NCOA2: variants seen among roughly 807,000 people sequenced by gnomAD.
NCOA2 encodes the protein class E basic helix-loop-helix protein 75.
NCOA2 carries 21 observed loss-of-function variants against 145.1 expected under a neutral mutation model. The ratio of observed to expected loss-of-function variants is 0.14; its 90% CI spans 0.10 to 0.21. The LOEUF is 0.21. Ranked by LOEUF, NCOA2 falls within the 10% of genes least tolerant of loss-of-function variation. The pLI, the probability that NCOA2 is intolerant of heterozygous loss-of-function variation, is 1.00. For missense variants in NCOA2, 1,472 were observed against 1,837.6 expected (o/e 0.80, Z 3.64); for synonymous variants, 619 against 637.5 (o/e 0.97, Z 0.44).
chr8:70,343,117 A>G (rs1808299260), intron 1 of NCOA2, among the ~76,000 whole-genome samples: 1 of 152,236 alleles, frequency 6.6e-6, no homozygotes, highest in Admixed American at 6.5e-5. Flanking sequence ...AAGTGCCTAA[A>G]GTTGTAACTC....
intron 1 of NCOA2, among the ~76,000 whole-genome samples, chr8:70,391,837 A>G (rs1383902475): frequency 6.6e-6 from 1 of 152,210 alleles, no homozygotes; most frequent in Non-Finnish European, 1.5e-5. Flanking sequence ...ACAGCTTGAA[A>G]AACTGAAATA....
the NCOA2 span, among the ~76,000 whole-genome samples, chr8:70,416,486 C>A: frequency 6.6e-6 from 1 of 152,148 alleles, no homozygotes; most frequent in African/African-American, 2.4e-5. Context: ...TTGTGTGTAA[C>A]CAAAAATACA....
chr8:70,442,796 A>T, the NCOA2 span, among the ~76,000 whole-genome samples: 17 of 152,164 alleles, frequency 1.1e-4, no homozygotes, highest in East Asian at 3.3e-3. Flanking sequence ...CTGCTGGAGG[A>T]TGATTCTAGC....
intron 1 of NCOA2, among the ~76,000 whole-genome samples, chr8:70,350,778 G>A (rs1159408702): frequency 6.6e-6 from 1 of 152,140 alleles, no homozygotes; most frequent in African/African-American, 2.4e-5. Flanking sequence ...CTAAACTCCT[G>A]AGTGTTAAAA....
chr8:70,441,759 AG>A, the NCOA2 span, among the ~76,000 whole-genome samples: 1 of 150,454 alleles, frequency 6.6e-6, no homozygotes, highest in African/African-American at 2.4e-5. Flanking sequence ...AGAGAAAGAA[AG>A]AGAGAGAAAG....
rs560378091 is a variant in NCOA2, at chr8:70,235,779, G to T, written c.-19-19015C>A. Among the ~76,000 whole-genome samples, 7 of 152,296 alleles carry T rather than the reference G, an allele frequency of 4.6e-5. No homozygotes were observed. In the South Asian group the frequency reaches 1.4e-3, roughly 32 times the overall value. On this transcript the variant is annotated intron_variant, in intron 2 of 22. Transcript: ENST00000452400. The stretch of plus-strand genomic sequence containing the variant: ...GGATTTCTTGAGCCCAGGAGATCAA[G>T]GCTGCAGTGAACTATGATCGCACCA...
At chr8:70,361,007 C>T (rs1166281517) in intron 1 of NCOA2, among the ~76,000 whole-genome samples, 1 of 150,166 alleles carries the variant, frequency 6.7e-6, no homozygotes, top group African/African-American at 2.4e-5. Context: ...TGGCCAAACA[C>T]ACTGCTTAAT....
chr8:70,398,483 C>A (rs114051715), intron 1 of NCOA2, among the ~76,000 whole-genome samples: 3 of 152,092 alleles, frequency 2.0e-5, no homozygotes, highest in African/African-American at 7.2e-5. Context: ...ATAATAACAA[C>A]AACAGCAAGA....
the NCOA2 span, among the ~76,000 whole-genome samples, chr8:70,427,261 G>A: frequency 6.6e-6 from 1 of 152,132 alleles, no homozygotes; most frequent in African/African-American, 2.4e-5. Context: ...CATTAAAACA[G>A]AGAAACTAGT....
intron 15 of NCOA2, among the ~76,000 whole-genome samples, chr8:70,133,200 CTTTTT>C (rs57813061): frequency 4.7e-5 from 5 of 106,980 alleles, no homozygotes; most frequent in East Asian, 3.2e-4. Flanking sequence ...CTGGCTGCTA[CTTTTT>C]TTTTTTTTTT....
At chr8:70,405,395 G>A (rs939068353), upstream of NCOA2, among the ~76,000 whole-genome samples, 2 of 123,334 alleles carry the variant, frequency 1.6e-5, no homozygotes, top group African/African-American at 6.1e-5. Context: ...TCTAATGTTT[G>A]AAATGTTTGC....
the NCOA2 span, among the ~76,000 whole-genome samples, chr8:70,449,195 C>T: frequency 2.0e-5 from 3 of 152,038 alleles, no homozygotes; most frequent in Non-Finnish European, 4.4e-5. Context: ...GTTTCATGTC[C>T]CTTATCAAAA....
upstream of NCOA2, among the ~76,000 whole-genome samples, chr8:70,406,586 T>C (rs1355252351): frequency 6.6e-6 from 1 of 152,104 alleles, no homozygotes; most frequent in East Asian, 1.9e-4. Context: ...AGAAATAACA[T>C]ACCGTGAATG....
intron 6 of NCOA2, among the ~76,000 whole-genome samples, chr8:70,167,966 G>C (rs1376638638): frequency 2.6e-5 from 4 of 152,158 alleles, no homozygotes; most frequent in African/African-American, 9.7e-5. Context: ...TCATTTTGGT[G>C]TTCTTTTCTA....
intron 4 of NCOA2, among the ~76,000 whole-genome samples, chr8:70,188,425 A>G (rs911311214): frequency 6.6e-6 from 1 of 152,230 alleles, no homozygotes; most frequent in African/African-American, 2.4e-5. Context: ...ATGCTGATTC[A>G]GCAAAGCAAT....
At chr8:70,172,245 G>A (rs1258879250) in intron 5 of NCOA2, among the ~76,000 whole-genome samples, 5 of 152,220 alleles carry the variant, frequency 3.3e-5, no homozygotes, top group Admixed American at 2.6e-4. Flanking sequence ...ATAGGCATGA[G>A]CCACTATGCC....
the NCOA2 span, among the ~76,000 whole-genome samples, chr8:70,442,065 A>G: frequency 2.0e-5 from 3 of 150,776 alleles, no homozygotes; most frequent in Admixed American, 6.6e-5. Context: ...AAGAGAGAGA[A>G]AGAGGAAAGA....
the NCOA2 span, among the ~76,000 whole-genome samples, chr8:70,433,540 G>A: frequency 9.9e-5 from 15 of 152,168 alleles, no homozygotes; most frequent in African/African-American, 3.1e-4. Context: ...GAGTGTGAGT[G>A]GTGATGGAAT....
intron 1 of NCOA2, among the ~76,000 whole-genome samples, chr8:70,309,021 C>T (rs1317192911): frequency 6.6e-6 from 1 of 152,178 alleles, no homozygotes; most frequent in Non-Finnish European, 1.5e-5. Context: ...GATGCTTCAG[C>T]CTGGGACTCC....
Sources: gnomAD v4.1 joint callset for allele counts (sites outside exome capture counted in the v4.1 genomes callset) on GRCh38, gnomAD v4.1.1 for gene constraint, MANE v1.5 for transcripts, NCBI Gene and HGNC (gene_info 2026-07-23, HGNC 2026-07-21) for gene names.